The following MYO18A variants were observed in gnomAD, a reference collection of about 807,000 sequenced individuals.
The protein encoded by MYO18A is unconventional myosin-XVIIIa.
Under a neutral mutation model 235.8 loss-of-function variants are expected in MYO18A, and 78 were observed. The ratio of observed to expected loss-of-function variants is 0.33; its 90% CI spans 0.28 to 0.40. The LOEUF (loss-of-function observed/expected upper bound fraction) is 0.40, where lower values mean the gene tolerates loss of function less well. MYO18A is among the 10% of genes least tolerant of loss of function. MYO18A has a pLI of 1.00. For missense variants in MYO18A, 2,215 were observed against 2,699.3 expected (o/e 0.82, Z 3.98); for synonymous variants, 977 against 1,077.8 (o/e 0.91, Z 1.83).
intron 21 of MYO18A, 88 bp downstream of exon 21, chr17:29,103,511 C>A (rs2066706880): frequency 2.3e-6 from 3 of 1,330,948 alleles, no homozygotes; most frequent in Admixed American, 1.7e-5. Context: ...TGATGTCTGG[C>A]TGAGCAAAGA....
chr17:29,084,897 T>A (rs2066214617), intron 40 of MYO18A, among the ~76,000 whole-genome samples: 1 of 151,602 alleles, frequency 6.6e-6, no homozygotes, highest in Non-Finnish European at 1.5e-5. Context: ...GCTGTCCAGC[T>A]CCCACCCAGA....
rs1172947697 is a variant in MYO18A at position 29,117,355 on chromosome 17, A to T, written c.2038+690T>A. 6.6e-6 allele frequency among the ~76,000 whole-genome samples: 1 copy of T among 151,644 alleles called. No homozygotes were observed. The highest frequency in any genetic ancestry group is 1.5e-5 in the Non-Finnish European group (1 of 67,666). ...CCACCCTGACATGCAAGAGGAAGATACGGAGCTACCCAACCAGTGGAGAAG... is the reference window on the plus strand; with the variant it reads ...CCACCCTGACATGCAAGAGGAAGATTCGGAGCTACCCAACCAGTGGAGAAG... On this transcript the variant is annotated intron_variant, in intron 10 of 41. Coordinates refer to ENST00000527372, the MANE Select transcript of MYO18A (RefSeq NM_078471.4). This position sits in a 1 kb window ranked among gnomAD's most constrained non-coding sequence, Gnocchi z 4.6.
At chr17:29,124,868 A>G (rs2067284704) in intron 2 of MYO18A, among the ~76,000 whole-genome samples, 1 of 152,010 alleles carries the variant, frequency 6.6e-6, no homozygotes, top group Admixed American at 6.5e-5. Flanking sequence ...GAGCAGGTGA[A>G]CTGCACCCAG....
In MYO18A at chr17:29,092,872, C is replaced by A. The variant is rs1413663052; in HGVS notation, c.5056G>T (p.Ala1686Ser). ...GTGGATACCTGGTTCTTGAGCTGGG[C>A]AATCTCTCGCTTGCTGGGAGCACTG... ...KNSAPSKREI[A>S]QLKNQLEESE... The change falls in exon 33 of 42, where the codon GCC becomes TCC. Residue 1686 changes from alanine (A) to serine (S), a missense_variant. Transcript: ENST00000527372. The A allele has an allele frequency of 2.5e-6, 4 of 1,613,922 alleles. No homozygotes were observed. The South Asian group carries it at 3.3e-5, about 13-fold the overall frequency.
intron 2 of MYO18A, among the ~76,000 whole-genome samples, chr17:29,136,091 C>T (rs72817631): frequency 0.027 from 4,125 of 151,742 alleles, 75 homozygotes; most frequent in Non-Finnish European, 0.035. Flanking sequence ...TAACTGGGAA[C>T]GATGGTGCAT....
Position 29,122,157 on chromosome 17 carries a change from G to C in MYO18A, c.1087+9C>G. The C allele has an allele frequency of 6.2e-7, 1 of 1,610,944 alleles. No individual in the cohort carries two copies. The highest frequency in any genetic ancestry group is 8.5e-7 in the Non-Finnish European group (1 of 1,178,498). On this transcript the variant is annotated intron_variant, in intron 3 of 41. Coordinates refer to ENST00000527372, the MANE Select transcript of MYO18A (RefSeq NM_078471.4). ...CCTGACATGTGCCCCCAGACCCTCT[G>C]AGACTCACCCAGTGAGAAGCCGTCC...
At chr17:29,097,751 G>T in intron 26 of MYO18A, 37 bp downstream of exon 26, 2 of 1,568,946 alleles carry the variant, frequency 1.3e-6, no homozygotes, top group Non-Finnish European at 8.7e-7. Context: ...GGCTCGCATT[G>T]CGGGCCACTG....
chr17:29,114,859 G>T, intron 14 of MYO18A, 48 bp downstream of exon 14: 1 of 1,570,934 alleles, frequency 6.4e-7, no homozygotes, highest in Non-Finnish European at 8.7e-7. Context: ...CGCTGTGGGT[G>T]CCAAGGCCAG....
In MYO18A at chr17:29,121,468, G is replaced by A. The variant is rs985476728; in HGVS notation, c.1371+79C>T. On this transcript the variant is annotated intron_variant, in intron 5 of 41. Transcript: ENST00000527372. This position sits in a 1 kb window ranked among gnomAD's most constrained non-coding sequence, Gnocchi z 4.2. The stretch of plus-strand genomic sequence containing the variant: ...GTGAGAGTGGACAGGAGCCCAGTGG[G>A]GTGCCACAGGGGAAGGGCAGAGAGC... 6 of 1,401,134 alleles carry A rather than the reference G, an allele frequency of 4.3e-6. No homozygotes were observed. Among genetic ancestry groups the A allele is most frequent in the African/African-American group, 1.4e-5 (1 of 69,446 alleles). The allele number at this position is 1,401,134 out of a possible 1,614,324, so 86.8% of individuals were successfully genotyped here. A position where few individuals can be genotyped will look rare whatever the true frequency, so the allele number is the denominator to read the frequency against.
At position 29,125,057 on chromosome 17, in the gene MYO18A, T is replaced by C. The variant is rs1402143795; in HGVS notation, c.1000-2804A>G. Among the ~76,000 whole-genome samples the C allele has an allele frequency of 2.0e-5, 3 of 152,170 alleles. No individual in the cohort carries two copies. Among genetic ancestry groups the C allele is most frequent in the Non-Finnish European group, 4.4e-5 (3 of 68,006 alleles). On this transcript the variant is annotated intron_variant, in intron 2 of 41. Coordinates refer to ENST00000527372, the MANE Select transcript of MYO18A (RefSeq NM_078471.4). The surrounding 1 kb of genome is among the most constrained non-coding windows in gnomAD (Gnocchi z 5.1). ...AATCAGGCTCCCTCTTCTGTGTGTCTACCAGGTCAGGCCACCTCACCACAC... is the reference window on the plus strand; with the variant it reads ...AATCAGGCTCCCTCTTCTGTGTGTCCACCAGGTCAGGCCACCTCACCACAC...
At chr17:29,167,263 A>G (rs2068305391) in intron 1 of MYO18A, among the ~76,000 whole-genome samples, 1 of 152,172 alleles carries the variant, frequency 6.6e-6, no homozygotes, top group African/African-American at 2.4e-5. Flanking sequence ...GTAAAAGCCC[A>G]GATTCCAAAA....
chr17:29,083,225 C>G (rs1207158706), intron 40 of MYO18A, among the ~76,000 whole-genome samples: 7 of 152,178 alleles, frequency 4.6e-5, no homozygotes, highest in African/African-American at 1.7e-4. Flanking sequence ...AGGTAGCCCC[C>G]AGCCCTTGCT....
intron 41 of MYO18A, among the ~76,000 whole-genome samples, chr17:29,079,154 C>A (rs1353011106): frequency 6.6e-6 from 1 of 152,198 alleles, no homozygotes; most frequent in Non-Finnish European, 1.5e-5. Flanking sequence ...TAGCTTGGGA[C>A]CTTTCCTGGC....
chr17:29,140,550 T>C lies in MYO18A; in HGVS notation c.1000-18297A>G. 1 of 478,568 alleles carries C rather than the reference T, an allele frequency of 2.1e-6. No homozygotes were observed. The highest frequency in any genetic ancestry group is 3.2e-6 in the Non-Finnish European group (1 of 313,308). The allele number at this position is 478,568 out of a possible 1,614,324, so 29.6% of individuals were successfully genotyped here. On this transcript the variant is annotated intron_variant, in intron 2 of 41. Transcript: ENST00000527372. The surrounding 1 kb of genome is among the most constrained non-coding windows in gnomAD (Gnocchi z 4.2). ...AGGTATGCCAGGAGGGAGAGGGTGA[T>C]ACAGCAGTGTGTGTGGAAGGGAAGG... is the stretch of plus-strand genomic sequence containing the variant.
chr17:29,124,571 C>A, intron 2 of MYO18A: 1 of 1,090,834 alleles, frequency 9.2e-7, no homozygotes, highest in East Asian at 6.5e-5. Context: ...CGAGCACAGA[C>A]GCCAGCCCAG....
rs566962514 is a variant in MYO18A, at chr17:29,095,031, C to T, written c.4414G>A (p.Glu1472Lys). ...TGCAGCTTCTCCCGCTGGGCCTCCTCATGCGCCTGCGAGAGCTCACTGTCA... is the reference window on the plus strand; with the variant it reads ...TGCAGCTTCTCCCGCTGGGCCTCCTTATGCGCCTGCGAGAGCTCACTGTCA... ...RFDSELSQAH[E>K]EAQREKLQRE... Residue 1472 changes from glutamate to lysine, a missense_variant, in exon 29 of 42, where the codon GAG (glutamate) becomes AAG (lysine). Coordinates refer to ENST00000527372, the MANE Select transcript of MYO18A (RefSeq NM_078471.4). 1.3e-6 allele frequency: 2 copies of T among 1,568,082 alleles called. No individual in the cohort carries two copies. Among genetic ancestry groups the T allele is most frequent in the Admixed American group, 1.9e-5 (1 of 52,490 alleles).
At chr17:29,102,360 C>T (rs1226437906) in intron 21 of MYO18A, among the ~76,000 whole-genome samples, 1 of 152,174 alleles carries the variant, frequency 6.6e-6, no homozygotes, top group African/African-American at 2.4e-5. Context: ...GCGGGAAAGA[C>T]CAGGGTGAGT....
At chr17:29,103,751 C>T in intron 20 of MYO18A, 87 bp from the exon 21 acceptor site, 8 of 1,300,648 alleles carry the variant, frequency 6.2e-6, no homozygotes, top group Non-Finnish European at 8.9e-6. Context: ...CCTTCCCCTC[C>T]CTCCTCCTAG....
intron 2 of MYO18A, among the ~76,000 whole-genome samples, chr17:29,132,963 C>T (rs1238933595): frequency 6.6e-6 from 1 of 152,218 alleles, no homozygotes; most frequent in Non-Finnish European, 1.5e-5. Flanking sequence ...CTGGGGCACA[C>T]AGGTTAGTGG....
Sources: gnomAD v4.1 joint callset for allele counts (sites outside exome capture counted in the v4.1 genomes callset) on GRCh38, gnomAD v4.1.1 for gene constraint, Gnocchi (gnomAD v3.1) non-coding constraint, MANE v1.5 for transcripts, NCBI Gene and HGNC (gene_info 2026-07-23, HGNC 2026-07-21) for gene names.